The following PMS1 variants were observed in gnomAD, a reference collection of about 807,000 sequenced individuals.
PMS1 encodes PMS1 protein homolog 1.
PMS1 carries 79 observed loss-of-function variants against 93.1 expected under a neutral mutation model. The ratio of observed to expected loss-of-function variants is 0.85; its 90% CI spans 0.71 to 1.02. The LOEUF (loss-of-function observed/expected upper bound fraction) is 1.02, where lower values mean the gene tolerates loss of function less well. Among genes scored for constraint, PMS1 ranks in the 50% least tolerant of loss-of-function variants. The probability of loss-of-function intolerance (pLI) is 0.00; values close to 1 mark genes in which losing one functional copy is unlikely to be tolerated. For missense variants in PMS1, 1,064 were observed against 1,085.3 expected, an observed-to-expected ratio of 0.98 and a Z score of 0.28; for synonymous variants, 335 against 363.4, an observed-to-expected ratio of 0.92 and a Z score of 0.89.
chr2:189,805,730 C>T lies in PMS1; in HGVS notation c.394C>T (p.Gln132Ter), dbSNP rs1174314992. The T allele has an allele frequency of 5.6e-6, 9 of 1,613,634 alleles. No homozygotes were observed. Among genetic ancestry groups the T allele is most frequent in the Non-Finnish European group, 7.6e-6 (9 of 1,179,878 alleles). Residue 132 changes from glutamine (Q) to a stop codon, truncating the protein, a stop_gained, in exon 4 of 13, where the codon CAG becomes TAG. Coordinates refer to ENST00000441310, the MANE Select transcript of PMS1 (RefSeq NM_000534.5). LOFTEE classifies it high-confidence loss of function. ...AGATGGCAGTGGCCACATACTTTCTCAGAAACCTTCACATCTTGGTCAAGG... is the reference window on the plus strand; with the variant it reads ...AGATGGCAGTGGCCACATACTTTCTTAGAAACCTTCACATCTTGGTCAAGG... ...VLDGSGHILS[Q>*]KPSHLGQGTT...
At chr2:189,864,257 A>T in intron 10 of PMS1, 29 bp downstream of exon 10, 1 of 1,441,730 alleles carries the variant, frequency 6.9e-7, no homozygotes, top group Non-Finnish European at 9.8e-7. Context: ...TTTTAAGAGT[A>T]AAAATATTTA....
intron 3 of PMS1, among the ~76,000 whole-genome samples, chr2:189,798,661 G>A (rs149339802): frequency 6.6e-6 from 1 of 151,346 alleles, no homozygotes; most frequent in East Asian, 1.9e-4. Flanking sequence ...CACGAGGTTT[G>A]CATCAGGGAA....
intron 5 of PMS1, among the ~76,000 whole-genome samples, chr2:189,831,445 A>G (rs1250412146): frequency 1.3e-5 from 2 of 152,182 alleles, no homozygotes; most frequent in African/African-American, 4.8e-5. Context: ...CAAAGTGTCT[A>G]TTTTCTTTTA....
At chr2:189,812,970 G>A (rs867776336) in intron 4 of PMS1, among the ~76,000 whole-genome samples, 8 of 152,152 alleles carry the variant, frequency 5.3e-5, no homozygotes, top group African/African-American at 1.9e-4. Context: ...TTAGGCAGAC[G>A]ATTGATATCA....
At position 189,864,230 on chromosome 2, in the gene PMS1, T is replaced by G. The variant is rs201631256; in HGVS notation, c.2342+2T>G. ...AAAGCCAATTATGTTAACAGAGAGG[T>G]ATGATGATACAATACTTTTTAAGAG... On this transcript the variant is annotated splice_donor_variant, in intron 10 of 12. Coordinates refer to ENST00000441310, the MANE Select transcript of PMS1 (RefSeq NM_000534.5). LOFTEE classifies it high-confidence loss of function. 8 of 1,583,070 alleles carry G rather than the reference T, an allele frequency of 5.1e-6. No individual in the cohort carries two copies. Among genetic ancestry groups the G allele is most frequent in the Non-Finnish European group, 6.9e-6 (8 of 1,152,570 alleles).
chr2:189,819,640 A>C (rs186620679), intron 5 of PMS1, among the ~76,000 whole-genome samples: 408 of 152,308 alleles, frequency 2.7e-3, no homozygotes, highest in Middle Eastern at 6.8e-3. Context: ...AGTAATGTTG[A>C]GCATTTTTTC....
At chr2:189,851,966 C>CT (rs1192938137) in intron 6 of PMS1, among the ~76,000 whole-genome samples, 3 of 152,156 alleles carry the variant, frequency 2.0e-5, no homozygotes, top group African/African-American at 7.2e-5. Context: ...CCTTCAATAT[C>CT]TTTCTCTTCT....
intron 5 of PMS1, among the ~76,000 whole-genome samples, chr2:189,828,332 C>G (rs1373019770): frequency 6.6e-6 from 1 of 152,086 alleles, no homozygotes; most frequent in Non-Finnish European, 1.5e-5. Flanking sequence ...GTTGTCATCA[C>G]AAAGAAATGA....
chr2:189,859,738 A>G (rs1185428118), intron 9 of PMS1, among the ~76,000 whole-genome samples: 2 of 151,966 alleles, frequency 1.3e-5, no homozygotes, highest in Non-Finnish European at 2.9e-5. Context: ...ATTATCTTCT[A>G]CCTTTGAAAT....
intron 4 of PMS1, among the ~76,000 whole-genome samples, chr2:189,808,415 C>T (rs1161149556): frequency 6.6e-6 from 1 of 152,130 alleles, no homozygotes; most frequent in Non-Finnish European, 1.5e-5. Context: ...GCAGCCTCCA[C>T]CTCCCAGGTT....
chr2:189,833,719 C>G (rs2053154836), intron 5 of PMS1, among the ~76,000 whole-genome samples: 4 of 152,144 alleles, frequency 2.6e-5, no homozygotes, highest in Admixed American at 1.3e-4. Context: ...CTGAACCCCC[C>G]CTACTTCCCT....
chr2:189,830,374 C>T (rs570121345), intron 5 of PMS1, among the ~76,000 whole-genome samples: 2 of 152,168 alleles, frequency 1.3e-5, no homozygotes, highest in Admixed American at 1.3e-4. Context: ...AGTTTCTTTG[C>T]CTAGAACATT....
At position 189,830,776 on chromosome 2, in the gene PMS1, C is replaced by A. The variant is rs192912189; in HGVS notation, c.582+12596C>A. On this transcript the variant is annotated intron_variant, in intron 5 of 12. Transcript: ENST00000441310. Reference sequence around the variant, plus strand: ...GGCACCAGCCCAGCTGGACTGTAAGCGTAGGCCTTAAAGCACCTGAGATCC... The same window carrying A: ...GGCACCAGCCCAGCTGGACTGTAAGAGTAGGCCTTAAAGCACCTGAGATCC... 9.8e-5 allele frequency among the ~76,000 whole-genome samples: 15 copies of A among 152,304 alleles called. No individual in the cohort carries two copies. The East Asian group carries it at 2.1e-3, about 22-fold the overall frequency.
chr2:189,838,210 G>C (rs887295495), intron 5 of PMS1, among the ~76,000 whole-genome samples: 1 of 152,116 alleles, frequency 6.6e-6, no homozygotes, highest in Non-Finnish European at 1.5e-5. Context: ...GATTGGTTTG[G>C]ATTTCCTTAG....
At chr2:189,828,126 A>G (rs947743578) in intron 5 of PMS1, among the ~76,000 whole-genome samples, 4 of 151,932 alleles carry the variant, frequency 2.6e-5, no homozygotes, top group Admixed American at 1.3e-4. Context: ...GGGTTTCACC[A>G]TATTAGCCAG....
intron 11 of PMS1, 32 bp downstream of exon 11, chr2:189,867,961 TG>T: frequency 6.4e-7 from 1 of 1,558,820 alleles, no homozygotes; most frequent in Non-Finnish European, 8.9e-7. Flanking sequence ...TTTTCTGATG[TG>T]GAAAAATTAG....
At position 189,851,999 on chromosome 2, in the gene PMS1, C is replaced by G. The variant is rs5743123; in HGVS notation, c.700-656C>G. ...TCTCTCTGGTATTCTTTTCTAGTAT[C>G]CTTCTTCATTTTCTCTTTCTTCTTT... On this transcript the variant is annotated intron_variant, in intron 6 of 12. Transcript: ENST00000441310. 2.6e-4 allele frequency among the ~76,000 whole-genome samples: 40 copies of G among 152,208 alleles called. No individual in the cohort carries two copies. The East Asian group carries it at 5.6e-3, about 21-fold the overall frequency.
chr2:189,805,596 A>G, intron 3 of PMS1, 56 bp from the exon 4 acceptor site: 1 of 1,305,754 alleles, frequency 7.7e-7, no homozygotes, highest in Non-Finnish European at 1.1e-6. Flanking sequence ...ATCTTTGATA[A>G]TGAACCCATC....
At chr2:189,800,759 A>G (rs565405370) in intron 3 of PMS1, among the ~76,000 whole-genome samples, 1 of 152,190 alleles carries the variant, frequency 6.6e-6, no homozygotes, top group African/African-American at 2.4e-5. Context: ...GTGGATCGAT[A>G]TGTAATTGGG....
Sources: allele counts gnomAD v4.1 joint callset (sites outside exome capture counted in the v4.1 genomes callset), GRCh38; gene constraint gnomAD v4.1.1; transcripts MANE v1.5; gene names NCBI Gene and HGNC (gene_info 2026-07-23, HGNC 2026-07-21).